Variants in SH3BP2 observed in about 807,000 individuals in gnomAD.
SH3BP2 encodes the protein SH3 domain-binding protein 2.
Under a neutral mutation model 56.2 loss-of-function variants are expected in SH3BP2, and 38 were observed. That is an observed-to-expected ratio of 0.68 (90% CI 0.52 to 0.89). SH3BP2 has a LOEUF of 0.89. Among genes scored for constraint, SH3BP2 ranks in the 40% least tolerant of loss-of-function variants. SH3BP2 has a pLI of 0.00. For missense variants in SH3BP2, 748 were observed against 762.6 expected (o/e 0.98, Z 0.23); for synonymous variants, 346 against 316.7 (o/e 1.09, Z -0.98).
intron 1 of SH3BP2, among the ~76,000 whole-genome samples, chr4:2,812,731 A>C (rs927492122): frequency 2.1e-4 from 30 of 146,222 alleles, no homozygotes; most frequent in East Asian, 1.0e-3. Flanking sequence ...AACCCCCCCC[A>C]CCCCCCCATC....
At position 2,833,850 on chromosome 4, in the gene SH3BP2, C is replaced by T. The variant is rs762740297; in HGVS notation, c.*16C>T. On this transcript the variant is annotated 3_prime_UTR_variant, in exon 13 of 13. Transcript: ENST00000503393. ...GCCTAGGTGATGGCAGTCCATGTGGCTGCCAGGCCAAGGCAGTCACAGGGG... is the reference window on the plus strand; with the variant it reads ...GCCTAGGTGATGGCAGTCCATGTGGTTGCCAGGCCAAGGCAGTCACAGGGG... 3.9e-6 allele frequency: 6 copies of T among 1,552,952 alleles called. No individual in the cohort carries two copies. In the South Asian group the frequency reaches 7.0e-5, roughly 18 times the overall value.
intron 3 of SH3BP2, chr4:2,823,303 C>T: frequency 1.8e-6 from 1 of 556,208 alleles, no homozygotes; most frequent in South Asian, 1.6e-5. Context: ...ACAGCCTGCT[C>T]TCCAGAGTCT....
intron 8 of SH3BP2, among the ~76,000 whole-genome samples, chr4:2,830,629 TAG>T (rs1724934941): frequency 1.3e-5 from 2 of 152,216 alleles, no homozygotes; most frequent in Admixed American, 6.5e-5. Flanking sequence ...TCTCAAAGTG[TAG>T]AGATTACGGG....
At chr4:2,809,290 C>A (rs1723649818) in intron 1 of SH3BP2, among the ~76,000 whole-genome samples, 2 of 151,090 alleles carry the variant, frequency 1.3e-5, no homozygotes, top group African/African-American at 4.9e-5. Flanking sequence ...CAGTGCCCAC[C>A]TTCTCCCAGG....
intron 2 of SH3BP2, among the ~76,000 whole-genome samples, chr4:2,821,782 C>T (rs1326296837): frequency 2.6e-5 from 4 of 152,298 alleles, no homozygotes; most frequent in South Asian, 2.1e-4. Context: ...TGAGCTCAAG[C>T]GATCCATCCG....
chr4:2,820,920 C>T (rs912356334), intron 2 of SH3BP2, among the ~76,000 whole-genome samples, 167 bp downstream of exon 2: 3 of 152,156 alleles, frequency 2.0e-5, no homozygotes, highest in Non-Finnish European at 2.9e-5. Flanking sequence ...AGGTTGACTT[C>T]CCTAGCCCCC....
chr4:2,818,796 G>T, intron 1 of SH3BP2: 1 of 987,126 alleles, frequency 1.0e-6, no homozygotes, highest in Non-Finnish European at 1.2e-6. Flanking sequence ...TTTGGGTGCA[G>T]AAGGAGCTGG....
chr4:2,830,495 G>A (rs547501813), intron 8 of SH3BP2, among the ~76,000 whole-genome samples: 1 of 152,200 alleles, frequency 6.6e-6, no homozygotes, highest in African/African-American at 2.4e-5. Flanking sequence ...CCAAGTAGCT[G>A]GGACTACAGG....
In SH3BP2 at chr4:2,831,324, G is replaced by T. The variant is rs1184867912; in HGVS notation, c.1242-247G>T. 6.6e-6 allele frequency among the ~76,000 whole-genome samples: 1 copy of T among 152,186 alleles called. No individual in the cohort carries two copies. Among genetic ancestry groups the T allele is most frequent in the East Asian group, 1.9e-4 (1 of 5,188 alleles). ...GATGACACTGAGCTTGGGAACCCTG[G>T]ACTCCCTTGCCAGCATCCATGGCAG... On this transcript the variant is annotated intron_variant, in intron 8 of 12. Transcript: ENST00000503393. This position sits in a 1 kb window ranked among gnomAD's most constrained non-coding sequence, Gnocchi z 4.1.
chr4:2,824,578 G>A, intron 3 of SH3BP2, 35 bp from the exon 4 acceptor site: 7 of 1,534,870 alleles, frequency 4.6e-6, no homozygotes, highest in Non-Finnish European at 5.4e-6. Context: ...CTATAGCTGT[G>A]AACCAGGCCG....
intron 2 of SH3BP2, 36 bp from the exon 3 acceptor site, chr4:2,822,899 C>A (rs556880104): frequency 1.3e-6 from 2 of 1,562,588 alleles, no homozygotes; most frequent in Admixed American, 1.7e-5. Flanking sequence ...AGCTGCCCCT[C>A]CAGGCTCACC....
intron 1 of SH3BP2, among the ~76,000 whole-genome samples, chr4:2,802,657 A>C (rs577910112): frequency 7.1e-6 from 1 of 141,748 alleles, no homozygotes; most frequent in African/African-American, 2.8e-5. Flanking sequence ...ATATATGTAT[A>C]TGTGTGTGTG....
intron 5 of SH3BP2, among the ~76,000 whole-genome samples, chr4:2,825,408 C>T (rs978887471): frequency 5.4e-5 from 8 of 148,766 alleles, no homozygotes; most frequent in African/African-American, 1.3e-4. Flanking sequence ...ACGAGCGACA[C>T]GCGGACACGC....
At chr4:2,812,901 A>G (rs1246388240) in intron 1 of SH3BP2, among the ~76,000 whole-genome samples, 2 of 152,094 alleles carry the variant, frequency 1.3e-5, no homozygotes, top group Non-Finnish European at 2.9e-5. Context: ...GGTAACGGAG[A>G]GAGCTGTACA....
intron 11 of SH3BP2, 33 bp downstream of exon 11, chr4:2,832,445 T>C (rs1033490177): frequency 1.3e-6 from 2 of 1,559,504 alleles, no homozygotes; most frequent in Non-Finnish European, 1.8e-6. Context: ...CCAGGGCCCC[T>C]CTGGCTCTCC....
At chr4:2,825,381 C>T (rs1258805896) in intron 5 of SH3BP2, among the ~76,000 whole-genome samples, 185 bp downstream of exon 5, 1 of 152,142 alleles carries the variant, frequency 6.6e-6, no homozygotes, top group East Asian at 1.9e-4. Context: ...AGGACAAGCA[C>T]AGATGTTCAC....
chr4:2,825,073 G>A (rs1331712799), intron 4 of SH3BP2, 53 bp from the exon 5 acceptor site: 8 of 1,486,290 alleles, frequency 5.4e-6, no homozygotes, highest in Admixed American at 2.0e-5. Context: ...GGAGGGGTGC[G>A]GTGGGGCCCA....
intron 1 of SH3BP2, chr4:2,818,259 C>T (rs1457478123): frequency 1.0e-4 from 102 of 1,001,818 alleles, no homozygotes; most frequent in Admixed American, 6.1e-4. Flanking sequence ...GGAGCTGGGG[C>T]CGGCGGGAGG....
chr4:2,813,609 G>T (rs1723860397), intron 1 of SH3BP2, among the ~76,000 whole-genome samples: 1 of 152,210 alleles, frequency 6.6e-6, no homozygotes, highest in Admixed American at 6.5e-5. Flanking sequence ...CTGTGCTCAG[G>T]CTTCAGGACA....
Sources: gnomAD v4.1 joint callset for allele counts (sites outside exome capture counted in the v4.1 genomes callset) on GRCh38, gnomAD v4.1.1 for gene constraint, Gnocchi (gnomAD v3.1) non-coding constraint, MANE v1.5 for transcripts, NCBI Gene and HGNC (gene_info 2026-07-23, HGNC 2026-07-21) for gene names.